Variants in FMNL2 observed in about 807,000 individuals in gnomAD.
FMNL2 encodes formin like 2, also known as formin-like protein 2.
In FMNL2, 51 loss-of-function variants were observed where a neutral mutation model predicts 130.2. The observed-to-expected ratio is 0.39, with a 90% confidence interval of 0.31 to 0.49. FMNL2 has a LOEUF of 0.49. Ranked by LOEUF, FMNL2 falls within the 20% of genes least tolerant of loss-of-function variation. The pLI, the probability that FMNL2 is intolerant of heterozygous loss-of-function variation, is 0.85. For synonymous variants in FMNL2, 465 were observed against 467.1 expected (o/e 1.00, Z 0.06); for missense variants, 977 against 1,316.2 (o/e 0.74, Z 3.99).
At chr2:152,549,814 T>A (rs960185278) in intron 4 of FMNL2, among the ~76,000 whole-genome samples, 8 of 152,200 alleles carry the variant, frequency 5.3e-5, no homozygotes, top group Non-Finnish European at 8.8e-5. Flanking sequence ...TCAGGTATCC[T>A]ATTTTGTAGC....
chr2:152,630,863 C>T (rs539816991), intron 20 of FMNL2, among the ~76,000 whole-genome samples: 5 of 152,240 alleles, frequency 3.3e-5, no homozygotes, highest in Admixed American at 6.5e-5. Context: ...AAATTAGAGC[C>T]GTCCTGCTTT....
rs112097646 is a variant in FMNL2 at position 152,512,603 on chromosome 2, T to A, written c.118-9340T>A. Among the ~76,000 whole-genome samples the A allele has an allele frequency of 6.3e-3, 967 of 152,312 alleles. 7 individuals are homozygous for A. The highest frequency in any genetic ancestry group is 0.022 in the African/African-American group (915 of 41,560). Reference sequence around the variant, plus strand: ...ATATGTACATAGTGAGCTCCTTTTTTAATGAACTCCTGTTTATTTGCATTT... The same window carrying A: ...ATATGTACATAGTGAGCTCCTTTTTAAATGAACTCCTGTTTATTTGCATTT... On this transcript the variant is annotated intron_variant, in intron 1 of 25. Transcript: ENST00000288670.
At chr2:152,460,336 A>G (rs1689170956) in intron 1 of FMNL2, among the ~76,000 whole-genome samples, 1 of 152,216 alleles carries the variant, frequency 6.6e-6, no homozygotes, top group African/African-American at 2.4e-5. Context: ...ATTATATGGT[A>G]CTGTGTCCTG....
rs377217657 is a variant in FMNL2, at chr2:152,542,739, G to C, written c.202G>C (p.Glu68Gln). ...EKKWELICDQERFQVKNPPHT... is the reference protein window; with the variant it reads ...EKKWELICDQQRFQVKNPPHT... ...CTTTGGACTTTTGTGCTTTCTGCAGGAACGATTCCAGGTGAAGAATCCTCC... is the reference window on the plus strand; with the variant it reads ...CTTTGGACTTTTGTGCTTTCTGCAGCAACGATTCCAGGTGAAGAATCCTCC... Residue 68 changes from glutamate (E) to glutamine (Q), a missense_variant and splice_region_variant, in exon 3 of 26, where the codon GAA becomes CAA. Around this residue, in one of 4 missense-constraint regions of FMNL2, gnomAD observed 117 missense variants for 134.9 expected, o/e 0.87. Coordinates refer to ENST00000288670, the MANE Select transcript of FMNL2 (RefSeq NM_052905.4). The C allele has an allele frequency of 8.1e-6, 13 of 1,613,878 alleles. No homozygotes were observed. The highest frequency in any genetic ancestry group is 1.1e-5 in the Non-Finnish European group (13 of 1,179,902).
chr2:152,559,792 T>C (rs551290367), intron 5 of FMNL2, among the ~76,000 whole-genome samples: 3 of 152,318 alleles, frequency 2.0e-5, no homozygotes, highest in South Asian at 2.1e-4. Flanking sequence ...TTTCTCTTTT[T>C]AGCAGTTAAA....
chr2:152,648,212 T>C lies in FMNL2; in HGVS notation c.*307T>C, dbSNP rs1039260048. Reference sequence around the variant, plus strand: ...TTCTTATTAAACTCATTACCTGCCATTGTGATTGTCCCATCATGGCCCACC... The same window carrying C: ...TTCTTATTAAACTCATTACCTGCCACTGTGATTGTCCCATCATGGCCCACC... On this transcript the variant is annotated 3_prime_UTR_variant, in exon 26 of 26. Coordinates refer to ENST00000288670, the MANE Select transcript of FMNL2 (RefSeq NM_052905.4). The C allele has an allele frequency of 1.1e-5, 3 of 267,100 alleles. No homozygotes were observed. The highest frequency in any genetic ancestry group is 6.7e-5 in the African/African-American group (3 of 44,872). 16.5% of individuals were successfully genotyped at this position (267,100 alleles called of 1,614,324 possible).
intron 1 of FMNL2, among the ~76,000 whole-genome samples, chr2:152,410,375 T>C (rs1686215856): frequency 6.6e-6 from 1 of 152,208 alleles, no homozygotes; most frequent in African/African-American, 2.4e-5. Flanking sequence ...TAGTCATTGA[T>C]TGACAAGACC....
chr2:152,354,727 T>C lies in FMNL2; in HGVS notation c.117+19007T>C, dbSNP rs1451301755. Among the ~76,000 whole-genome samples, 12 of 152,334 alleles carry C rather than the reference T, an allele frequency of 7.9e-5. No individual in the cohort carries two copies. The East Asian group carries it at 1.9e-3, about 24-fold the overall frequency. On this transcript the variant is annotated intron_variant, in intron 1 of 25. Coordinates refer to ENST00000288670, the MANE Select transcript of FMNL2 (RefSeq NM_052905.4). ...TTTTCTCTCAGCTGATAAATATCACTTTTGCCCTAAATTTTTGTAGTGGCA... is the reference window on the plus strand; with the variant it reads ...TTTTCTCTCAGCTGATAAATATCACCTTTGCCCTAAATTTTTGTAGTGGCA...
In FMNL2 at chr2:152,466,085, C is replaced by T. The variant is rs112621713; in HGVS notation, c.118-55858C>T. ...AACTAATAAGATGATCTTGATCTTT[C>T]TGAGCCATGGTTTCCTAACAGGCAA... On this transcript the variant is annotated intron_variant, in intron 1 of 25. Transcript: ENST00000288670. 3.7e-3 allele frequency among the ~76,000 whole-genome samples: 569 copies of T among 152,336 alleles called. 3 individuals are homozygous for T. The highest frequency in any genetic ancestry group is 0.013 in the African/African-American group (543 of 41,578).
At chr2:152,513,356 A>G (rs1692587611) in intron 1 of FMNL2, among the ~76,000 whole-genome samples, 1 of 152,202 alleles carries the variant, frequency 6.6e-6, no homozygotes, top group African/African-American at 2.4e-5. Flanking sequence ...TATACAATAC[A>G]GTATTGTTAA....
At chr2:152,464,280 G>C (rs1434472805) in intron 1 of FMNL2, among the ~76,000 whole-genome samples, 1 of 152,130 alleles carries the variant, frequency 6.6e-6, no homozygotes, top group Non-Finnish European at 1.5e-5. Context: ...TTCCTCCTCT[G>C]CTTTTCTGTG....
intron 9 of FMNL2, among the ~76,000 whole-genome samples, chr2:152,584,420 GA>G (rs533583645): frequency 9.9e-4 from 150 of 152,276 alleles, no homozygotes; most frequent in African/African-American, 3.4e-3. Flanking sequence ...ATCTGCCTAA[GA>G]AGGATGAAAG....
chr2:152,498,602 A>C (rs1356427564), intron 1 of FMNL2, among the ~76,000 whole-genome samples: 1 of 152,110 alleles, frequency 6.6e-6, no homozygotes, highest in African/African-American at 2.4e-5. Flanking sequence ...TATTACTTCT[A>C]TGTTGTCACA....
chr2:152,582,202 T>C (rs936546938), intron 9 of FMNL2, among the ~76,000 whole-genome samples: 1 of 152,194 alleles, frequency 6.6e-6, no homozygotes, highest in Non-Finnish European at 1.5e-5. Flanking sequence ...GTTGTGGCCT[T>C]ATTGTTTGTG....
At chr2:152,373,401 T>A (rs962494680) in intron 1 of FMNL2, among the ~76,000 whole-genome samples, 6 of 152,062 alleles carry the variant, frequency 3.9e-5, no homozygotes, top group Non-Finnish European at 5.9e-5. Context: ...TTGGGTTTGG[T>A]GTTTCTGAAG....
chr2:152,386,134 T>A (rs572756798), intron 1 of FMNL2, among the ~76,000 whole-genome samples: 1 of 152,196 alleles, frequency 6.6e-6, no homozygotes, highest in Admixed American at 6.5e-5. Context: ...AATGAGGAAA[T>A]GAAATGAGCT....
chr2:152,397,189 T>C (rs1048193829), intron 1 of FMNL2, among the ~76,000 whole-genome samples: 2 of 152,116 alleles, frequency 1.3e-5, no homozygotes, highest in African/African-American at 4.8e-5. Flanking sequence ...GGGAGGAAAA[T>C]TGAGAAGAAA....
At chr2:152,625,201 C>G (rs1047623411) in intron 15 of FMNL2, 8 of 429,088 alleles carry the variant, frequency 1.9e-5, no homozygotes, top group Admixed American at 3.7e-5. Flanking sequence ...AAAAATCAAC[C>G]CTTGGCCCTT....
At chr2:152,456,221 C>A (rs1688947635) in intron 1 of FMNL2, among the ~76,000 whole-genome samples, 1 of 152,192 alleles carries the variant, frequency 6.6e-6, no homozygotes, top group African/African-American at 2.4e-5. Context: ...TCCAACTATC[C>A]TCTCACTAGA....
Sources: allele counts gnomAD v4.1 joint callset (sites outside exome capture counted in the v4.1 genomes callset), GRCh38; gene constraint gnomAD v4.1.1; regional missense constraint gnomAD v4.1.1; transcripts MANE v1.5; gene names NCBI Gene and HGNC (gene_info 2026-07-23, HGNC 2026-07-21).